Variants in PTPRG observed in about 807,000 individuals in gnomAD.
PTPRG encodes the protein protein tyrosine phosphatase receptor type G, also known as receptor-type tyrosine-protein phosphatase gamma.
PTPRG carries 102 observed loss-of-function variants against 165.3 expected under a neutral mutation model. The observed-to-expected ratio is 0.62, with a 90% confidence interval of 0.53 to 0.73. PTPRG has a LOEUF of 0.73. Among genes scored for constraint, PTPRG ranks in the 30% least tolerant of loss-of-function variants. The pLI is 0.00. For synonymous variants in PTPRG, 675 were observed against 669.5 expected, an observed-to-expected ratio of 1.01 and a Z score of -0.13; for missense variants, 1,866 against 1,861.4, an observed-to-expected ratio of 1.00 and a Z score of -0.05.
Position 62,296,753 on chromosome 3 carries a change from A to G in PTPRG, c.*3446A>G, listed in dbSNP as rs1703077479. 2.0e-5 allele frequency: 3 copies of G among 151,944 alleles called. No individual in the cohort carries two copies. The highest frequency in any genetic ancestry group is 2.1e-4 in the South Asian group (1 of 4,822). 9.4% of individuals were successfully genotyped at this position (151,944 alleles called of 1,614,324 possible). On this transcript the variant is annotated 3_prime_UTR_variant, in exon 30 of 30. Coordinates refer to ENST00000474889, the MANE Select transcript of PTPRG (RefSeq NM_002841.4). ...GGCTTTACTTATCTCTAGAAAGAAG[A>G]AGGCATGCTACAAATAGGAAGGAAT...
At chr3:61,633,484 T>G (rs1701822216) in intron 1 of PTPRG, among the ~76,000 whole-genome samples, 1 of 152,258 alleles carries the variant, frequency 6.6e-6, no homozygotes, top group Admixed American at 6.5e-5. Flanking sequence ...AATTTTTGGA[T>G]TGTTCATTGC....
rs1397160708 is a variant in PTPRG at position 62,200,728 on chromosome 3, T to TG, written c.1328-777_1328-776insG. Among the ~76,000 whole-genome samples, 5 of 152,280 alleles carry TG rather than the reference T, an allele frequency of 3.3e-5. No individual in the cohort carries two copies. The East Asian group carries it at 9.7e-4, about 29-fold the overall frequency. Reference sequence around the variant, plus strand: ...GTAATGTATGGTTAATACGAAATCATTAGACCATTTAAAACAATTGGCAGT... The same window carrying TG: ...GTAATGTATGGTTAATACGAAATCATGTAGACCATTTAAAACAATTGGCAGT... On this transcript the variant is annotated intron_variant, in intron 10 of 29. Coordinates refer to ENST00000474889, the MANE Select transcript of PTPRG (RefSeq NM_002841.4).
chr3:62,116,852 C>T (rs1254629406), intron 5 of PTPRG, among the ~76,000 whole-genome samples: 2 of 152,168 alleles, frequency 1.3e-5, no homozygotes, highest in South Asian at 2.1e-4. Flanking sequence ...AGGACTTCCA[C>T]GTTTTAGAGT....
At chr3:61,899,068 C>G (rs1456401069) in intron 2 of PTPRG, among the ~76,000 whole-genome samples, 1 of 152,144 alleles carries the variant, frequency 6.6e-6, no homozygotes, top group Non-Finnish European at 1.5e-5. Flanking sequence ...TCCACCATGC[C>G]TGGCTGATTT....
chr3:61,607,553 C>A (rs981631068), intron 1 of PTPRG, among the ~76,000 whole-genome samples: 3 of 152,102 alleles, frequency 2.0e-5, no homozygotes, highest in Admixed American at 2.0e-4. Flanking sequence ...TCTTTTAAAC[C>A]TTACTTTTTT....
At chr3:61,771,174 G>GA (rs1311366714) in intron 2 of PTPRG, 1 of 152,096 alleles carries the variant, frequency 6.6e-6, no homozygotes. Flanking sequence ...AATCAGAACA[G>GA]AAAAAATAAG....
At position 62,005,690 on chromosome 3, in the gene PTPRG, CTTTTTTTTTTTTTTTTT is replaced by C. The variant is rs35487954; in HGVS notation, c.519+2205_519+2221del. Among the ~76,000 whole-genome samples, 114 of 60,344 alleles carry C rather than the reference CTTTTTTTTTTTTTTTTT, an allele frequency of 1.9e-3. 1 individual carries two copies. In the East Asian group the frequency reaches 0.053, roughly 28 times the overall value. 39.6% of individuals were successfully genotyped at this position (60,344 alleles called of 152,430 possible). A position where few individuals can be genotyped will look rare whatever the true frequency, so the allele number is the denominator to read the frequency against. On this transcript the variant is annotated intron_variant, in intron 4 of 29. Transcript: ENST00000474889. ...ATAACGTATCAAAGACATTAATATCCTTTTTTTTTTTTTTTTTTTTTTTTTTTTGAGATGGAGTCTCA... is the reference window on the plus strand; with the variant it reads ...ATAACGTATCAAAGACATTAATATCCTTTTTTTTTTTGAGATGGAGTCTCA...
rs151212335 is a variant in PTPRG, at chr3:61,605,689, C to G, written c.85+43317C>G. Among the ~76,000 whole-genome samples, 515 of 152,230 alleles carry G rather than the reference C, an allele frequency of 3.4e-3. 3 individuals are homozygous for G. Among genetic ancestry groups the G allele is most frequent in the African/African-American group, 0.011 (477 of 41,534 alleles). On this transcript the variant is annotated intron_variant, in intron 1 of 29. Coordinates refer to ENST00000474889, the MANE Select transcript of PTPRG (RefSeq NM_002841.4). The stretch of plus-strand genomic sequence containing the variant: ...CCTCAAGTGATTCTTTCACCTCTGC[C>G]TCCCAAGTAGCTGGGACTACGGGCA...
chr3:61,854,239 C>CT (rs1474560849), intron 2 of PTPRG, among the ~76,000 whole-genome samples: 2 of 152,134 alleles, frequency 1.3e-5, no homozygotes, highest in African/African-American at 4.8e-5. Flanking sequence ...CTTTGGTTTT[C>CT]TTTTGTTTAG....
chr3:61,715,658 C>G (rs897339345), intron 1 of PTPRG, among the ~76,000 whole-genome samples: 2 of 152,104 alleles, frequency 1.3e-5, no homozygotes. Context: ...GGTTGACTGC[C>G]TAACTGCCTG....
At chr3:62,016,402 G>A (rs1383461698) in intron 4 of PTPRG, among the ~76,000 whole-genome samples, 1 of 152,030 alleles carries the variant, frequency 6.6e-6, no homozygotes, top group Non-Finnish European at 1.5e-5. Flanking sequence ...TCCTGACCTC[G>A]TGATTCGCCT....
At chr3:61,989,426 G>T (rs993032312) in intron 2 of PTPRG, among the ~76,000 whole-genome samples, 199 bp from the exon 3 acceptor site, 1 of 152,200 alleles carries the variant, frequency 6.6e-6, no homozygotes, top group Admixed American at 6.5e-5. Context: ...AAATCAAGAA[G>T]CAAAACTAAC....
chr3:62,142,204 G>A (rs1282192921), intron 6 of PTPRG, among the ~76,000 whole-genome samples: 1 of 151,932 alleles, frequency 6.6e-6, no homozygotes, highest in Non-Finnish European at 1.5e-5. Context: ...AAAACATTGT[G>A]CATTCCCAAA....
intron 1 of PTPRG, among the ~76,000 whole-genome samples, chr3:61,677,857 G>A (rs994068764): frequency 4.6e-5 from 7 of 152,292 alleles, no homozygotes; most frequent in Admixed American, 3.9e-4. Context: ...GTCCTTAGGA[G>A]TGTTGGGCCG....
At position 61,884,550 on chromosome 3, in the gene PTPRG, A is replaced by G. The variant is rs542881968; in HGVS notation, c.191-105075A>G. 6.6e-5 allele frequency among the ~76,000 whole-genome samples: 10 copies of G among 152,344 alleles called. No homozygotes were observed. The East Asian group carries it at 1.9e-3, about 29-fold the overall frequency. On this transcript the variant is annotated intron_variant, in intron 2 of 29. Transcript: ENST00000474889. ...AGATTGCATTTAAGGTGAATCAAGA[A>G]AAGTGAGAAGATACAAGGTTTTGCT...
At chr3:61,820,029 A>G (rs1390213846) in intron 2 of PTPRG, among the ~76,000 whole-genome samples, 1 of 152,198 alleles carries the variant, frequency 6.6e-6, no homozygotes, top group African/African-American at 2.4e-5. Context: ...TACATTGGAG[A>G]AAAAGGGTTT....
intron 2 of PTPRG, among the ~76,000 whole-genome samples, chr3:61,938,833 T>G (rs1047274047): frequency 6.6e-6 from 1 of 152,238 alleles, no homozygotes; most frequent in African/African-American, 2.4e-5. Context: ...TAGCATTGCT[T>G]AACATTTTCA....
chr3:61,939,519 G>C (rs1336999008), intron 2 of PTPRG, among the ~76,000 whole-genome samples: 1 of 152,202 alleles, frequency 6.6e-6, no homozygotes, highest in African/African-American at 2.4e-5. Context: ...TTATAAGATT[G>C]TTTAAGGTTT....
In PTPRG at chr3:61,609,530, C is replaced by T. The variant is rs536598847; in HGVS notation, c.85+47158C>T. ...CAACAACTACAAGCACTCTACATCT[C>T]TTATCATTCCAGATGTTTCTTTCTT... is the stretch of plus-strand genomic sequence containing the variant. On this transcript the variant is annotated intron_variant, in intron 1 of 29. Coordinates refer to ENST00000474889, the MANE Select transcript of PTPRG (RefSeq NM_002841.4). Among the ~76,000 whole-genome samples, 6 of 152,292 alleles carry T rather than the reference C, an allele frequency of 3.9e-5. No homozygotes were observed. The East Asian group carries it at 1.2e-3, about 29-fold the overall frequency.
Sources: allele counts gnomAD v4.1 joint callset (sites outside exome capture counted in the v4.1 genomes callset), GRCh38; gene constraint gnomAD v4.1.1; transcripts MANE v1.5; gene names NCBI Gene and HGNC (gene_info 2026-07-23, HGNC 2026-07-21).